ARID1B: variants seen among roughly 807,000 people sequenced by gnomAD.
ARID1B encodes AT-rich interaction domain 1B.
In ARID1B, 30 loss-of-function variants were observed where a neutral mutation model predicts 212.3. The ratio of observed to expected loss-of-function variants is 0.14; its 90% CI spans 0.11 to 0.19. ARID1B has a LOEUF of 0.19. Ranked by LOEUF, ARID1B falls within the 10% of genes least tolerant of loss-of-function variation. The pLI, the probability that ARID1B is intolerant of heterozygous loss-of-function variation, is 1.00. For synonymous variants in ARID1B, 1,402 were observed against 1,301.7 expected (o/e 1.08, Z -1.66); for missense variants, 2,891 against 3,204.0 (o/e 0.90, Z 2.36).
At chr6:157,098,498 G>C (rs942714007) in intron 5 of ARID1B, among the ~76,000 whole-genome samples, 6 of 152,190 alleles carry the variant, frequency 3.9e-5, no homozygotes. Context: ...GTTTTGATGA[G>C]AATGCCAGAT....
At chr6:156,819,849 C>T (rs1301297998) in intron 1 of ARID1B, among the ~76,000 whole-genome samples, 2 of 152,152 alleles carry the variant, frequency 1.3e-5, no homozygotes, top group Non-Finnish European at 2.9e-5. Context: ...GAACAGAGCT[C>T]ATTCTAGGTG....
chr6:157,133,202 C>T lies in ARID1B; in HGVS notation c.2756C>T (p.Pro919Leu). 6.3e-7 allele frequency: 1 copy of T among 1,595,870 alleles called. No individual in the cohort carries two copies. The highest frequency in any genetic ancestry group is 2.2e-5 in the East Asian group (1 of 44,754). Residue 919 changes from proline to leucine, a missense_variant, in exon 7 of 20, where the codon CCA becomes CTA. Physicochemically the swap from Pro to Leu is moderately conservative, Grantham distance 98 (BLOSUM62 -3). Transcript: ENST00000636930. ...TYGPQMSQYG[P>L]QGNYSRPPAY... ...GGTCCACAGATGAGCCAGTATGGACCACAAGGTAAAACCAAAGCTTCTCCA... is the reference window on the plus strand; with the variant it reads ...GGTCCACAGATGAGCCAGTATGGACTACAAGGTAAAACCAAAGCTTCTCCA...
chr6:156,906,082 G>A (rs1789350291), intron 3 of ARID1B, among the ~76,000 whole-genome samples: 1 of 152,178 alleles, frequency 6.6e-6, no homozygotes, highest in South Asian at 2.1e-4. Context: ...GTGGAAAGGG[G>A]GAGGTGGGGC....
At chr6:156,969,317 T>C (rs1776757822) in intron 4 of ARID1B, among the ~76,000 whole-genome samples, 1 of 152,220 alleles carries the variant, frequency 6.6e-6, no homozygotes, top group Admixed American at 6.5e-5. Flanking sequence ...AGTCTGTTAG[T>C]CTGGGCTTAA....
intron 2 of ARID1B, among the ~76,000 whole-genome samples, chr6:156,865,630 T>C (rs1189800663): frequency 1.3e-5 from 2 of 152,176 alleles, no homozygotes; most frequent in Non-Finnish European, 2.9e-5. Flanking sequence ...ATTTTTACTC[T>C]TCTCTCTTTC....
chr6:156,856,002 A>G (rs915762623), intron 2 of ARID1B, among the ~76,000 whole-genome samples: 8 of 152,246 alleles, frequency 5.3e-5, no homozygotes, highest in Admixed American at 1.3e-4. Flanking sequence ...TATTATAATT[A>G]TAACTCTTCG....
rs774109306 is a variant in ARID1B at position 157,206,146 on chromosome 6, T to C, written c.5395-21T>C. The C allele has an allele frequency of 1.3e-5, 21 of 1,610,584 alleles. No individual in the cohort carries two copies. The highest frequency in any genetic ancestry group is 2.2e-5 in the East Asian group (1 of 44,864). ...GACATTGTACCTGTTCTTTCTTTCT[T>C]CTCCTCCTCCTCCTCTCCAGTTGTC... is the stretch of plus-strand genomic sequence containing the variant. On this transcript the variant is annotated intron_variant, in intron 19 of 19. Transcript: ENST00000636930. This position sits in a 1 kb window ranked among gnomAD's most constrained non-coding sequence, Gnocchi z 6.8.
chr6:157,149,813 G>T (rs1181568396), intron 8 of ARID1B: 2 of 150,010 alleles, frequency 1.3e-5, no homozygotes, highest in African/African-American at 5.1e-5. Flanking sequence ...TAAGGTGTGT[G>T]TGCGTGTGTG....
At chr6:157,021,635 G>C (rs569315024) in intron 4 of ARID1B, among the ~76,000 whole-genome samples, 7 of 152,142 alleles carry the variant, frequency 4.6e-5, no homozygotes, top group Non-Finnish European at 8.8e-5. Context: ...GCGCACAGAT[G>C]AGCCTTTGTG....
At chr6:156,909,386 A>G (rs903231281) in intron 3 of ARID1B, among the ~76,000 whole-genome samples, 1 of 151,986 alleles carries the variant, frequency 6.6e-6, no homozygotes, top group African/African-American at 2.4e-5. Flanking sequence ...GGCCTCCCAG[A>G]GTGCTGGAAT....
chr6:156,960,278 T>G (rs984641489), intron 4 of ARID1B, among the ~76,000 whole-genome samples: 2 of 152,034 alleles, frequency 1.3e-5, no homozygotes, highest in African/African-American at 4.8e-5. Context: ...AATTTCTGGG[T>G]TTTGATAGGG....
intron 1 of ARID1B, among the ~76,000 whole-genome samples, chr6:156,783,964 G>C (rs1779457268): frequency 6.6e-6 from 1 of 152,164 alleles, no homozygotes; most frequent in South Asian, 2.1e-4. Flanking sequence ...TTTGATAGAA[G>C]TGTGGTGTGT....
At chr6:156,792,592 T>A (rs924169733) in intron 1 of ARID1B, among the ~76,000 whole-genome samples, 1 of 152,206 alleles carries the variant, frequency 6.6e-6, no homozygotes, top group African/African-American at 2.4e-5. Context: ...TTGAGTAGGC[T>A]GATAGGACGA....
chr6:156,807,907 C>T (rs559881786), intron 1 of ARID1B, among the ~76,000 whole-genome samples: 7 of 152,274 alleles, frequency 4.6e-5, no homozygotes, highest in South Asian at 4.1e-4. Context: ...AGGATTTGCC[C>T]GGAAGGATCA....
At chr6:156,783,012 A>G (rs1248777226) in intron 1 of ARID1B, among the ~76,000 whole-genome samples, 2 of 151,874 alleles carry the variant, frequency 1.3e-5, no homozygotes, top group African/African-American at 4.8e-5. Flanking sequence ...TCTTTAAGAC[A>G]GCTATCACTT....
At chr6:156,961,360 G>A (rs1272004467) in intron 4 of ARID1B, among the ~76,000 whole-genome samples, 1 of 152,242 alleles carries the variant, frequency 6.6e-6, no homozygotes, top group African/African-American at 2.4e-5. Context: ...TGTAATTTTG[G>A]AGAGTAAAAT....
chr6:156,819,819 A>T (rs1782231001), intron 1 of ARID1B, among the ~76,000 whole-genome samples: 1 of 152,156 alleles, frequency 6.6e-6, no homozygotes, highest in Admixed American at 6.5e-5. Context: ...ATGACGTTGG[A>T]GCTGAGTTCT....
At position 157,190,197 on chromosome 6, in the gene ARID1B, G is replaced by A. The variant is rs1210731720; in HGVS notation, c.4218G>A (p.Gly1406=). 6.2e-7 allele frequency: 1 copy of A among 1,612,344 alleles called. No individual in the cohort carries two copies. Among genetic ancestry groups the A allele is most frequent in the Non-Finnish European group, 8.5e-7 (1 of 1,179,546 alleles). ...ATGAGCCCAACAAGGACCCCTTTGGGGGAATGAGAAAAGGTACGTGTAGAG... is the reference window on the plus strand; with the variant it reads ...ATGAGCCCAACAAGGACCCCTTTGGAGGAATGAGAAAAGGTACGTGTAGAG... The part of the protein sequence containing the change: ...MPYEPNKDPF[G]GMRKVPGSSE... The change falls in exon 15 of 20, where the codon GGG becomes GGA. Residue 1406 remains glycine, a synonymous_variant. Coordinates refer to ENST00000636930, the MANE Select transcript of ARID1B (RefSeq NM_001374828.1). This position sits in a 1 kb window ranked among gnomAD's most constrained non-coding sequence, Gnocchi z 4.6.
chr6:156,895,159 GT>G (rs1788282722), intron 2 of ARID1B, among the ~76,000 whole-genome samples: 2 of 152,122 alleles, frequency 1.3e-5, no homozygotes, highest in Non-Finnish European at 2.9e-5. Context: ...TAGTATATTT[GT>G]TTTTTAAACT....
Sources: allele counts gnomAD v4.1 joint callset (sites outside exome capture counted in the v4.1 genomes callset), GRCh38; gene constraint gnomAD v4.1.1; non-coding constraint Gnocchi (gnomAD v3.1); transcripts MANE v1.5; gene names NCBI Gene and HGNC (gene_info 2026-07-23, HGNC 2026-07-21).